The following TAS2R1 variants were observed in gnomAD, a reference collection of about 807,000 sequenced individuals.
The protein encoded by TAS2R1 is taste 2 receptor member 1, also known as taste receptor type 2 member 1.
For missense variants in TAS2R1, 370 were observed against 353.4 expected, an observed-to-expected ratio of 1.05 and a Z score of -0.38; for synonymous variants, 141 against 134.2, an observed-to-expected ratio of 1.05 and a Z score of -0.35.
chr5:9,861,959 C>T, the TAS2R1 span, among the ~76,000 whole-genome samples: 40 of 152,298 alleles, frequency 2.6e-4, 1 homozygote, highest in South Asian at 7.7e-3. Context: ...AATGATGATG[C>T]GATGGGTGAT....
chr5:9,846,433 G>A, the TAS2R1 span, among the ~76,000 whole-genome samples: 1 of 152,122 alleles, frequency 6.6e-6, no homozygotes, highest in South Asian at 2.1e-4. Context: ...TGTTGTCTGT[G>A]TCTCCCGGAC....
chr5:9,834,954 G>A, the TAS2R1 span, among the ~76,000 whole-genome samples: 1 of 152,174 alleles, frequency 6.6e-6, no homozygotes, highest in Admixed American at 6.5e-5. Context: ...ATGTTAGAAA[G>A]CATTTAATAT....
the TAS2R1 span, among the ~76,000 whole-genome samples, chr5:9,741,529 T>G: frequency 6.6e-6 from 1 of 152,122 alleles, no homozygotes; most frequent in African/African-American, 2.4e-5. Flanking sequence ...ACGAGAAAAT[T>G]TGGGGGATCT....
intron 2 of TAS2R1, chr5:9,658,549 T>C (rs27841): frequency 0.94 from 143,815 of 152,248 alleles, 68,515 homozygotes; most frequent in Non-Finnish European, 1. Flanking sequence ...GAGAGCTGCA[T>C]GCTGAGTGGA....
intron 1 of TAS2R1, among the ~76,000 whole-genome samples, chr5:9,703,221 G>T (rs930133178): frequency 1.8e-4 from 27 of 152,302 alleles, no homozygotes; most frequent in African/African-American, 5.3e-4. Flanking sequence ...TAGCCACCAA[G>T]ATTTCATCAT....
At chr5:9,753,820 C>T in the TAS2R1 span, among the ~76,000 whole-genome samples, 1 of 152,160 alleles carries the variant, frequency 6.6e-6, no homozygotes, top group Non-Finnish European at 1.5e-5. Flanking sequence ...TTCTCCATTT[C>T]TTGTTTTTGT....
chr5:9,627,996 G>A lies in TAS2R1; in HGVS notation c.*1137C>T, dbSNP rs41468. On this transcript the variant is annotated 3_prime_UTR_variant, in exon 1 of 1. Transcript: ENST00000382492. ...GATTGAAAAATCTAAACCTAAACCT[G>A]CTTTGCATCATCACGCCTGAACTAC... Among the ~76,000 whole-genome samples the A allele has an allele frequency of 0.67, 102,006 of 151,652 alleles. 35,966 individuals carry two copies. The highest frequency in any genetic ancestry group is 0.89 in the African/African-American group (36,665 of 41,416).
the TAS2R1 span, among the ~76,000 whole-genome samples, chr5:9,763,921 G>A: frequency 6.6e-6 from 1 of 152,184 alleles, no homozygotes; most frequent in Non-Finnish European, 1.5e-5. Flanking sequence ...AAAAGTTAAT[G>A]TTTGTAGAAA....
intron 1 of TAS2R1, among the ~76,000 whole-genome samples, chr5:9,689,519 T>G (rs1741193724): frequency 6.6e-6 from 1 of 152,182 alleles, no homozygotes; most frequent in African/African-American, 2.4e-5. Context: ...CATTTAAATA[T>G]ATATATATAA....
the TAS2R1 span, among the ~76,000 whole-genome samples, chr5:9,894,112 G>A: frequency 1.3e-5 from 2 of 152,108 alleles, no homozygotes; most frequent in African/African-American, 4.8e-5. Flanking sequence ...CTTTTAAGAG[G>A]AGGAAATTGG....
the TAS2R1 span, among the ~76,000 whole-genome samples, chr5:9,797,466 G>GA: frequency 7.2e-5 from 11 of 152,008 alleles, no homozygotes; most frequent in African/African-American, 1.7e-4. Context: ...TTCTGAATGA[G>GA]AAAAAAAGCT....
In TAS2R1 at chr5:9,655,291, T is replaced by C. The variant is rs185186730; in HGVS notation, c.-81+4130A>G. On this transcript the variant is annotated intron_variant, in intron 2 of 2. Coordinates refer to the TAS2R1 transcript ENST00000506620. The stretch of plus-strand genomic sequence containing the variant: ...CAGTACAAACTTTATAAGTCTCTTA[T>C]GTATCTCAATAAAAATTAATTGGGA... Among the ~76,000 whole-genome samples the C allele has an allele frequency of 1.9e-3, 295 of 152,336 alleles. 1 individual carries two copies. Among genetic ancestry groups the C allele is most frequent in the African/African-American group, 6.9e-3 (286 of 41,578 alleles).
At chr5:9,898,526 G>A in the TAS2R1 span, among the ~76,000 whole-genome samples, 2 of 152,152 alleles carry the variant, frequency 1.3e-5, no homozygotes, top group African/African-American at 4.8e-5. Context: ...ACCACCAGAT[G>A]GCACATCACC....
the TAS2R1 span, among the ~76,000 whole-genome samples, chr5:9,722,912 A>G: frequency 6.6e-6 from 1 of 152,218 alleles, no homozygotes; most frequent in Non-Finnish European, 1.5e-5. Context: ...GTGGTCATTT[A>G]GGCTGTGAAA....
the TAS2R1 span, among the ~76,000 whole-genome samples, chr5:9,720,544 G>A: frequency 3.3e-5 from 5 of 152,364 alleles, no homozygotes; most frequent in East Asian, 1.9e-4. Flanking sequence ...AAGGGGAAGC[G>A]AAGTCTGCTC....
chr5:9,667,304 G>A (rs750674048), intron 1 of TAS2R1, among the ~76,000 whole-genome samples: 92 of 152,162 alleles, frequency 6.0e-4, no homozygotes, highest in Non-Finnish European at 5.7e-4. Context: ...AGCCAGGAAA[G>A]CTTTACCTGT....
chr5:9,853,673 G>A, the TAS2R1 span, among the ~76,000 whole-genome samples: 20 of 152,084 alleles, frequency 1.3e-4, no homozygotes, highest in African/African-American at 3.6e-4. Flanking sequence ...AACCCTTGGC[G>A]ATATCTAGGT....
intron 1 of TAS2R1, among the ~76,000 whole-genome samples, chr5:9,675,404 T>C (rs2126505911): frequency 6.6e-6 from 1 of 150,924 alleles, no homozygotes; most frequent in East Asian, 1.9e-4. Context: ...ATCCATTAAT[T>C]ATTTTTTTCT....
chr5:9,830,565 G>A, the TAS2R1 span, among the ~76,000 whole-genome samples: 5 of 151,300 alleles, frequency 3.3e-5, no homozygotes, highest in Admixed American at 6.6e-5. Context: ...AGAGATGATA[G>A]ATGGTTGGTA....
Sources: gnomAD v4.1 joint callset for allele counts (sites outside exome capture counted in the v4.1 genomes callset) on GRCh38, gnomAD v4.1.1 for gene constraint, MANE v1.5 for transcripts, NCBI Gene and HGNC (gene_info 2026-07-23, HGNC 2026-07-21) for gene names.